Variants in BBS9 observed in about 807,000 individuals in gnomAD.
BBS9 encodes protein PTHB1.
A neutral mutation model predicts 117.7 loss-of-function variants in BBS9; 89 were observed. That is an observed-to-expected ratio of 0.76 (90% confidence interval 0.64 to 0.90). The LOEUF (loss-of-function observed/expected upper bound fraction) is 0.90. Among genes scored for constraint, BBS9 ranks in the 40% least tolerant of loss-of-function variants. BBS9 has a pLI of 0.00. For synonymous variants in BBS9, 379 were observed against 370.9 expected (o/e 1.02, Z -0.25); for missense variants, 982 against 1,042.2 (o/e 0.94, Z 0.80).
At chr7:33,430,503 A>T (rs1004776564) in intron 19 of BBS9, among the ~76,000 whole-genome samples, 1 of 152,078 alleles carries the variant, frequency 6.6e-6, no homozygotes, top group African/African-American at 2.4e-5. Flanking sequence ...AAACTTGGGT[A>T]CTCTTCTGGG....
At chr7:33,346,268 T>A (rs754671078) in intron 12 of BBS9, 2 of 470,472 alleles carry the variant, frequency 4.3e-6, no homozygotes, top group South Asian at 3.1e-5. Context: ...TCATAATAAA[T>A]CCTGTTAATT....
intron 19 of BBS9, among the ~76,000 whole-genome samples, chr7:33,402,552 T>G (rs1163540335): frequency 6.6e-6 from 1 of 152,206 alleles, no homozygotes; most frequent in Non-Finnish European, 1.5e-5. Context: ...ATCTACTTTC[T>G]GTCTTCATAG....
chr7:33,604,924 A>G lies in BBS9; in HGVS notation c.2581A>G (p.Thr861Ala). Residue 861 changes from threonine (T) to alanine (A), a missense_variant, in exon 22 of 23, where the codon ACA becomes GCA. Transcript: ENST00000242067. ...AGAAAGATCAGTAGAACAAGACTCT[A>G]CAGAACTGTTTACCAACCACAGACA... ...LEERSVEQDS[T>A]ELFTNHRHLT... is the part of the protein sequence containing the mutation. 1 of 1,613,902 alleles carries G rather than the reference A, an allele frequency of 6.2e-7. No homozygotes were observed. The highest frequency in any genetic ancestry group is 8.5e-7 in the Non-Finnish European group (1 of 1,179,842).
At chr7:33,435,325 A>G (rs879883711) in intron 19 of BBS9, among the ~76,000 whole-genome samples, 1 of 152,172 alleles carries the variant, frequency 6.6e-6, no homozygotes, top group Admixed American at 6.5e-5. Flanking sequence ...GGCTATATGA[A>G]CTTTGTTAAT....
At chr7:33,405,079 C>G (rs1327417614) in intron 19 of BBS9, among the ~76,000 whole-genome samples, 3 of 152,118 alleles carry the variant, frequency 2.0e-5, no homozygotes, top group African/African-American at 7.2e-5. Flanking sequence ...TGTCAAAGGC[C>G]TTTTCTGCAT....
intron 5 of BBS9, among the ~76,000 whole-genome samples, chr7:33,213,395 G>T (rs2128227774): frequency 6.6e-6 from 1 of 152,274 alleles, no homozygotes; most frequent in East Asian, 1.9e-4. Context: ...CTCCCATCTG[G>T]CCCAGGGCAG....
intron 21 of BBS9, among the ~76,000 whole-genome samples, chr7:33,546,176 G>A (rs189045080): frequency 2.0e-5 from 3 of 151,940 alleles, no homozygotes; most frequent in Non-Finnish European, 2.9e-5. Context: ...CTCGTGATCC[G>A]CCCACCTCGG....
At chr7:33,222,218 T>C (rs1235800533) in intron 5 of BBS9, among the ~76,000 whole-genome samples, 5 of 152,234 alleles carry the variant, frequency 3.3e-5, no homozygotes, top group Admixed American at 6.5e-5. Context: ...ATAGATGTTA[T>C]ATGCGGTTAT....
chr7:33,281,916 G>A (rs1241506631), intron 9 of BBS9, among the ~76,000 whole-genome samples: 1 of 151,962 alleles, frequency 6.6e-6, no homozygotes, highest in East Asian at 1.9e-4. Flanking sequence ...TTGGGCGCAA[G>A]CAATCCTCCC....
chr7:33,626,266 A>G (rs866524455), intron 21 of BBS9, among the ~76,000 whole-genome samples: 1 of 152,200 alleles, frequency 6.6e-6, no homozygotes, highest in African/African-American at 2.4e-5. Context: ...AGGCCTCCCC[A>G]GCCCTGCTTC....
At chr7:33,408,244 G>C (rs923667345) in intron 19 of BBS9, among the ~76,000 whole-genome samples, 5 of 152,222 alleles carry the variant, frequency 3.3e-5, no homozygotes, top group Admixed American at 3.3e-4. Context: ...TCTGAGCCAG[G>C]TGCGGGATAT....
At chr7:33,387,881 C>A in intron 18 of BBS9, 111 bp from the exon 19 acceptor site, 1 of 1,192,520 alleles carries the variant, frequency 8.4e-7, no homozygotes, top group Non-Finnish European at 1.2e-6. Context: ...CTCTATAATG[C>A]ATTTAAATTT....
intron 19 of BBS9, among the ~76,000 whole-genome samples, chr7:33,482,468 G>C (rs545769222): frequency 6.6e-6 from 1 of 152,266 alleles, no homozygotes; most frequent in Admixed American, 6.5e-5. Context: ...TAGGGGAGAT[G>C]CCATGAAGGA....
intron 5 of BBS9, among the ~76,000 whole-genome samples, chr7:33,224,011 A>G (rs1470032421): frequency 6.6e-6 from 1 of 152,148 alleles, no homozygotes; most frequent in African/African-American, 2.4e-5. Context: ...TATTTCCTTA[A>G]ATGGGTCTCA....
At chr7:33,579,416 G>T (rs1303785693) in intron 21 of BBS9, among the ~76,000 whole-genome samples, 3 of 152,048 alleles carry the variant, frequency 2.0e-5, no homozygotes, top group African/African-American at 7.2e-5. Context: ...CATGCAAAGG[G>T]GAATTCATTT....
chr7:33,461,488 T>A (rs1371801196), intron 19 of BBS9, among the ~76,000 whole-genome samples: 1 of 151,940 alleles, frequency 6.6e-6, no homozygotes, highest in Non-Finnish European at 1.5e-5. Context: ...AAAAAAAACT[T>A]TGGATAATTT....
At chr7:33,199,551 G>C (rs1294085564) in intron 5 of BBS9, among the ~76,000 whole-genome samples, 1 of 151,568 alleles carries the variant, frequency 6.6e-6, no homozygotes, top group Non-Finnish European at 1.5e-5. Flanking sequence ...TAGAAGTGTA[G>C]AAGTCAGTCC....
chr7:33,217,220 A>G lies in BBS9; in HGVS notation c.442+39629A>G, dbSNP rs528670259. 7.9e-5 allele frequency among the ~76,000 whole-genome samples: 12 copies of G among 151,854 alleles called. 1 individual carries two copies. In the East Asian group the frequency reaches 2.3e-3, roughly 29 times the overall value. On this transcript the variant is annotated intron_variant, in intron 5 of 22. Transcript: ENST00000242067. ...TTAAAATATATTTAAATGTATTTAA[A>G]TAAATATATATATTGAAATTTGATA...
chr7:33,595,920 A>G (rs928338060), intron 21 of BBS9, among the ~76,000 whole-genome samples: 2 of 152,078 alleles, frequency 1.3e-5, no homozygotes, highest in Non-Finnish European at 2.9e-5. Context: ...CTAACACAGG[A>G]ACAGAAAACC....
Sources: gnomAD v4.1 joint callset for allele counts (sites outside exome capture counted in the v4.1 genomes callset) on GRCh38, gnomAD v4.1.1 for gene constraint, MANE v1.5 for transcripts, NCBI Gene and HGNC (gene_info 2026-07-23, HGNC 2026-07-21) for gene names.